UVRAG: variants seen among roughly 807,000 people sequenced by gnomAD.
The protein encoded by UVRAG is UV radiation resistance associated.
In UVRAG, 19 loss-of-function variants were observed where a neutral mutation model predicts 78.0. That is an observed-to-expected ratio of 0.24 (90% CI 0.17 to 0.36). The LOEUF is 0.36. Among genes scored for constraint, UVRAG ranks in the 10% least tolerant of loss-of-function variants. The pLI is 1.00. For synonymous variants in UVRAG, 323 were observed against 324.6 expected, an observed-to-expected ratio of 1.00 and a Z score of 0.05; for missense variants, 740 against 853.8, an observed-to-expected ratio of 0.87 and a Z score of 1.66.
At chr11:75,865,488 A>C (rs1946518150) in intron 3 of UVRAG, among the ~76,000 whole-genome samples, 1 of 152,218 alleles carries the variant, frequency 6.6e-6, no homozygotes, top group East Asian at 1.9e-4. Context: ...GCCATTGAGC[A>C]CTTGAAATGT....
At chr11:76,101,647 C>G (rs79747898) in intron 13 of UVRAG, among the ~76,000 whole-genome samples, 2 of 152,132 alleles carry the variant, frequency 1.3e-5, no homozygotes, top group Non-Finnish European at 2.9e-5. Flanking sequence ...GTCATGAAAC[C>G]TTTGCCAGTT....
intron 1 of UVRAG, among the ~76,000 whole-genome samples, chr11:75,818,545 C>A (rs1019927361): frequency 6.6e-6 from 1 of 150,506 alleles, no homozygotes; most frequent in African/African-American, 2.5e-5. Context: ...GTGGCGCGAT[C>A]TTGGCTTATT....
In UVRAG at chr11:75,879,904, T is replaced by C; in HGVS notation, c.296T>C (p.Phe99Ser). 6.2e-7 allele frequency: 1 copy of C among 1,614,122 alleles called. No individual in the cohort carries two copies. Among genetic ancestry groups the C allele is most frequent in the Non-Finnish European group, 8.5e-7 (1 of 1,179,964 alleles). Residue 99 changes from phenylalanine (F) to serine (S), a missense_variant, in exon 4 of 15, where the codon TTT (phenylalanine) becomes TCT (serine). By Grantham distance (155) the Phe-to-Ser change is radical. Coordinates refer to ENST00000356136, the MANE Select transcript of UVRAG (RefSeq NM_003369.4). The stretch of plus-strand genomic sequence containing the variant: ...AATCCCACGTGGCGAAGTCTCGATT[T>C]TGGAATTATGCCAGACCGTCTTGAT... Reference protein sequence around the residue: ...SLNPTWRSLDFGIMPDRLDTS... With the variant: ...SLNPTWRSLDSGIMPDRLDTS...
intron 13 of UVRAG, among the ~76,000 whole-genome samples, chr11:76,090,419 T>C (rs1951675499): frequency 6.6e-6 from 1 of 152,180 alleles, no homozygotes; most frequent in Non-Finnish European, 1.5e-5. Context: ...CCACTCAGCA[T>C]AAATTCCCAT....
At chr11:75,841,850 T>C (rs1191444063) in intron 1 of UVRAG, among the ~76,000 whole-genome samples, 1 of 152,194 alleles carries the variant, frequency 6.6e-6, no homozygotes, top group Non-Finnish European at 1.5e-5. Context: ...TATTACTCCA[T>C]AACAAACAAA....
Position 75,815,243 on chromosome 11 carries a change from A to ACGGCGGCAACGGCGGCAG in UVRAG, c.-157_-156insACGGCGGCAGCGGCGGCA, listed in dbSNP as rs1555066719. Reference sequence around the variant, plus strand: ...GGCTCTTCCTTAGCCAGCGGCGGCAACGGCGGCAGCGGCGGCAGCGGCGGC... The same window carrying ACGGCGGCAACGGCGGCAG: ...GGCTCTTCCTTAGCCAGCGGCGGCAACGGCGGCAACGGCGGCAGCGGCGGCAGCGGCGGCAGCGGCGGC... On this transcript the variant is annotated 5_prime_UTR_variant, in exon 1 of 15. Coordinates refer to ENST00000356136, the MANE Select transcript of UVRAG (RefSeq NM_003369.4). 3.5e-5 allele frequency: 16 copies of ACGGCGGCAACGGCGGCAG among 451,254 alleles called. No individual in the cohort carries two copies. The highest frequency in any genetic ancestry group is 2.7e-4 in the African/African-American group (13 of 48,832). The allele number at this position is 451,254 out of a possible 1,614,324, so 28.0% of individuals were successfully genotyped here.
At chr11:75,840,359 G>A (rs1156803408) in intron 1 of UVRAG, among the ~76,000 whole-genome samples, 3 of 151,956 alleles carry the variant, frequency 2.0e-5, no homozygotes, top group Admixed American at 6.6e-5. Flanking sequence ...ACTTACAGAG[G>A]GCGGTAGCGG....
intron 11 of UVRAG, among the ~76,000 whole-genome samples, chr11:76,010,634 T>G (rs747717887): frequency 1.1e-4 from 17 of 152,146 alleles, no homozygotes; most frequent in Non-Finnish European, 2.1e-4. Context: ...ATGTAATCTT[T>G]CAGCTTAATT....
chr11:75,889,659 T>C (rs963558105), intron 5 of UVRAG, among the ~76,000 whole-genome samples: 1 of 152,210 alleles, frequency 6.6e-6, no homozygotes, highest in Non-Finnish European at 1.5e-5. Flanking sequence ...ATGCTGTTGC[T>C]TAGAGTACTT....
chr11:75,986,579 A>G (rs1949504967), intron 8 of UVRAG, among the ~76,000 whole-genome samples: 2 of 152,182 alleles, frequency 1.3e-5, no homozygotes, highest in South Asian at 2.1e-4. Context: ...TTTGTTACAA[A>G]TATAAAAAAT....
chr11:76,065,703 T>G lies in UVRAG; in HGVS notation c.1227-7T>G. 6.2e-7 allele frequency: 1 copy of G among 1,613,430 alleles called. No individual in the cohort carries two copies. The highest frequency in any genetic ancestry group is 1.7e-4 in the Middle Eastern group (1 of 6,058). On this transcript the variant is annotated splice_polypyrimidine_tract_variant and splice_region_variant and intron_variant, in intron 12 of 14. Coordinates refer to ENST00000356136, the MANE Select transcript of UVRAG (RefSeq NM_003369.4). ...GAAAATATCTGATCCTTTTTTACCT[T>G]TCTTAGGTTTCCACTGTATCCAAAA...
chr11:76,128,839 T>A (rs1366318311), intron 14 of UVRAG, among the ~76,000 whole-genome samples: 2 of 152,216 alleles, frequency 1.3e-5, no homozygotes, highest in African/African-American at 2.4e-5. Flanking sequence ...TGTTTTGTTT[T>A]ATTTTGTTTT....
At chr11:76,090,566 T>C (rs76506196) in intron 13 of UVRAG, among the ~76,000 whole-genome samples, 1,989 of 152,298 alleles carry the variant, frequency 0.013, 46 homozygotes, top group African/African-American at 0.045. Context: ...TTAGGAACCT[T>C]GTCATTCTTC....
intron 6 of UVRAG, among the ~76,000 whole-genome samples, chr11:75,926,239 A>G (rs1284342584): frequency 6.6e-6 from 1 of 152,144 alleles, no homozygotes; most frequent in East Asian, 1.9e-4. Context: ...CTCTATGACC[A>G]CATAGGTCTT....
At chr11:75,935,823 C>T (rs756878829) in intron 6 of UVRAG, among the ~76,000 whole-genome samples, 1 of 152,108 alleles carries the variant, frequency 6.6e-6, no homozygotes, top group Non-Finnish European at 1.5e-5. Context: ...ATAGTATGCC[C>T]ATGAAAACCA....
At chr11:75,929,049 G>T (rs926786909) in intron 6 of UVRAG, among the ~76,000 whole-genome samples, 1 of 148,354 alleles carries the variant, frequency 6.7e-6, no homozygotes. Flanking sequence ...GTGGTACAAA[G>T]AAGAATGGAA....
intron 6 of UVRAG, among the ~76,000 whole-genome samples, chr11:75,943,029 C>T (rs1257250276): frequency 6.6e-6 from 1 of 151,848 alleles, no homozygotes; most frequent in Non-Finnish European, 1.5e-5. Context: ...CCACTGCACT[C>T]CAATCTGGGT....
chr11:75,859,915 T>C (rs998573906), intron 2 of UVRAG, among the ~76,000 whole-genome samples: 1 of 152,172 alleles, frequency 6.6e-6, no homozygotes, highest in Non-Finnish European at 1.5e-5. Flanking sequence ...GCGAATTGTT[T>C]TGTTTGATTT....
intron 6 of UVRAG, among the ~76,000 whole-genome samples, chr11:75,923,538 G>T (rs530357746): frequency 2.0e-4 from 31 of 152,134 alleles, no homozygotes; most frequent in Non-Finnish European, 3.5e-4. Flanking sequence ...TACAGTGCCT[G>T]AATTGTATGT....
Sources: gnomAD v4.1 joint callset for allele counts (sites outside exome capture counted in the v4.1 genomes callset) on GRCh38, gnomAD v4.1.1 for gene constraint, MANE v1.5 for transcripts, NCBI Gene and HGNC (gene_info 2026-07-23, HGNC 2026-07-21) for gene names.